The following KAT14 variants were observed in gnomAD, a reference collection of about 807,000 sequenced individuals.
KAT14 encodes the protein cysteine-rich protein 2-binding protein.
In KAT14, 66 loss-of-function variants were observed where a neutral mutation model predicts 78.4. The ratio of observed to expected loss-of-function variants is 0.84; its 90% confidence interval spans 0.69 to 1.03. KAT14 has a LOEUF of 1.03. Among genes scored for constraint, KAT14 ranks in the 50% least tolerant of loss-of-function variants. The pLI is 0.00. For missense variants in KAT14, 870 were observed against 972.5 expected, an observed-to-expected ratio of 0.89 and a Z score of 1.40; for synonymous variants, 344 against 359.4, an observed-to-expected ratio of 0.96 and a Z score of 0.48.
chr20:18,183,270 C>T lies in KAT14; in HGVS notation c.1953C>T (p.Asn651=), dbSNP rs2039330300. The T allele has an allele frequency of 6.2e-7, 1 of 1,614,058 alleles. No individual in the cohort carries two copies. The highest frequency in any genetic ancestry group is 8.5e-7 in the Non-Finnish European group (1 of 1,179,970). ...YVRPNHIPTI[N]SMCQEFFWPG... ...GGCCAAATCACATCCCAACGATCAACTCCATGTGTCAGGAGTTTTTTTGGC... is the reference window on the plus strand; with the variant it reads ...GGCCAAATCACATCCCAACGATCAATTCCATGTGTCAGGAGTTTTTTTGGC... Residue 651 remains asparagine (N), a synonymous_variant, in exon 9 of 11, where the codon AAC becomes AAT. Coordinates refer to ENST00000688188, the MANE Select transcript of KAT14 (RefSeq NM_001392073.1).
chr20:18,181,803 A>G lies in KAT14; in HGVS notation c.1762A>G (p.Ile588Val), dbSNP rs1230557794. 1.2e-6 allele frequency: 2 copies of G among 1,614,044 alleles called. No individual in the cohort carries two copies. The highest frequency in any genetic ancestry group is 1.7e-6 in the Non-Finnish European group (2 of 1,180,044). Reference protein sequence around the residue: ...GSEDMAVDQSIVSPYTSRILK... With the variant: ...GSEDMAVDQSVVSPYTSRILK... The stretch of plus-strand genomic sequence containing the variant: ...AGAAGATATGGCTGTGGACCAGAGT[A>G]TTGTCAGCCCTTATACCTCTCGGAT... The change falls in exon 8 of 11, where the codon ATT becomes GTT. Residue 588 changes from isoleucine to valine, a missense_variant. Transcript: ENST00000688188.
Position 18,142,725 on chromosome 20 carries a change from C to T in KAT14, c.65C>T (p.Ser22Leu), listed in dbSNP as rs368748280. 5.4e-5 allele frequency: 87 copies of T among 1,614,072 alleles called. No homozygotes were observed. Among genetic ancestry groups the T allele is most frequent in the Non-Finnish European group, 6.9e-5 (81 of 1,180,044 alleles). ...CATGATGACGAAGCCACGAGAACAT[C>T]GACCTCAGAAGGACTGGAGGAAGGT... ...SRHDDEATRTSTSEGLEEGEV... is the reference protein window; with the variant it reads ...SRHDDEATRTLTSEGLEEGEV... Residue 22 changes from serine (S) to leucine (L), a missense_variant, in exon 2 of 11, where the codon TCG (serine) becomes TTG (leucine). Ser to Leu is a moderately radical substitution (Grantham distance 145). Coordinates refer to ENST00000688188, the MANE Select transcript of KAT14 (RefSeq NM_001392073.1).
At chr20:18,141,773 A>T (rs1456959611) in intron 1 of KAT14, among the ~76,000 whole-genome samples, 1 of 152,080 alleles carries the variant, frequency 6.6e-6, no homozygotes, top group Non-Finnish European at 1.5e-5. Flanking sequence ...AGTCTCAGCT[A>T]CTCGGGAGGC....
In KAT14 at chr20:18,142,855, C is replaced by T. The variant is rs780709626; in HGVS notation, c.195C>T (p.Asp65=). The change falls in exon 2 of 11, where the codon GAC becomes GAT. Residue 65 remains aspartate, a synonymous_variant. Transcript: ENST00000688188. ...SGDSLNSDEG[D]VSWMEEQLSY... The stretch of plus-strand genomic sequence containing the variant: ...ATTCCCTCAACAGTGATGAAGGAGA[C>T]GTGTCTTGGATGGAGGAGCAGCTGT... 4.3e-5 allele frequency: 70 copies of T among 1,614,004 alleles called. 1 individual carries two copies. The highest frequency in any genetic ancestry group is 1.9e-4 in the African/African-American group (14 of 74,904).
At chr20:18,164,860 C>T (rs185872274) in intron 7 of KAT14, among the ~76,000 whole-genome samples, 5 of 151,986 alleles carry the variant, frequency 3.3e-5, no homozygotes, top group East Asian at 1.9e-4. Flanking sequence ...CTCCTGGGCT[C>T]GAGTGATCGC....
intron 7 of KAT14, among the ~76,000 whole-genome samples, chr20:18,175,104 TG>T (rs537507705): frequency 1.6e-3 from 243 of 152,274 alleles, no homozygotes; most frequent in Non-Finnish European, 2.6e-3. Context: ...CTTTTGACCC[TG>T]TCAGCAAGTT....
At chr20:18,156,450 C>G (rs1364684104) in intron 4 of KAT14, among the ~76,000 whole-genome samples, 1 of 152,152 alleles carries the variant, frequency 6.6e-6, no homozygotes, top group African/African-American at 2.4e-5. Flanking sequence ...TTCATAAATA[C>G]TGTGTTTGTA....
At chr20:18,183,056 A>G (rs899137088) in intron 8 of KAT14, 67 bp from the exon 9 acceptor site, 47 of 1,538,084 alleles carry the variant, frequency 3.1e-5, no homozygotes, top group Non-Finnish European at 4.0e-5. Flanking sequence ...TATATGAGTC[A>G]AAAAGCTAGG....
chr20:18,166,397 A>G (rs1700914940), intron 7 of KAT14, among the ~76,000 whole-genome samples: 1 of 152,202 alleles, frequency 6.6e-6, no homozygotes, highest in African/African-American at 2.4e-5. Context: ...TAACATTTCC[A>G]AATAAGGAAG....
intron 7 of KAT14, among the ~76,000 whole-genome samples, chr20:18,168,322 A>G (rs1289082424): frequency 6.6e-6 from 1 of 152,030 alleles, no homozygotes; most frequent in Non-Finnish European, 1.5e-5. Context: ...GAGGCCAGGA[A>G]TTTGAGACCA....
chr20:18,182,978 C>T (rs1230047635), intron 8 of KAT14, 145 bp from the exon 9 acceptor site: 1 of 1,179,880 alleles, frequency 8.5e-7, no homozygotes, highest in Non-Finnish European at 1.2e-6. Context: ...AAAAGTATAG[C>T]TGTAATCAAG....
chr20:18,167,669 A>G (rs1233684449), intron 7 of KAT14, among the ~76,000 whole-genome samples: 1 of 152,048 alleles, frequency 6.6e-6, no homozygotes, highest in African/African-American at 2.4e-5. Flanking sequence ...AAGGTTATTT[A>G]GTTGTTTTTT....
intron 7 of KAT14, among the ~76,000 whole-genome samples, chr20:18,172,324 A>G (rs1169102671): frequency 1.4e-5 from 2 of 147,046 alleles, no homozygotes; most frequent in Admixed American, 1.4e-4. Flanking sequence ...CTGGTCTTGA[A>G]CTCCTGACCT....
chr20:18,181,485 C>T (rs1470016410), intron 7 of KAT14, among the ~76,000 whole-genome samples: 1 of 151,482 alleles, frequency 6.6e-6, no homozygotes, highest in Non-Finnish European at 1.5e-5. Context: ...TCTCCTGCCT[C>T]AGCCTCCCAA....
Position 18,187,455 on chromosome 20 carries a change from G to A in KAT14, c.2342G>A (p.Arg781His), listed in dbSNP as rs376874386. 18 of 1,613,830 alleles carry A rather than the reference G, an allele frequency of 1.1e-5. No homozygotes were observed. The highest frequency in any genetic ancestry group is 6.6e-5 in the South Asian group (6 of 90,998). ...CKHAFFLRLR[R>H] ...CACGCATTCTTTCTGAGGCTCCGGC[G>A]CTGATGCGAATACAGCTCACAGAGA... The change falls in exon 11 of 11, where the codon CGC (arginine) becomes CAC (histidine). Residue 781 changes from arginine (R) to histidine (H), a missense_variant. By Grantham distance (29) the Arg-to-His change is conservative. Transcript: ENST00000688188.
At chr20:18,143,615 A>ATTTTTTTTTTTTT (rs201858697) in intron 2 of KAT14, among the ~76,000 whole-genome samples, 2 of 103,998 alleles carry the variant, frequency 1.9e-5, no homozygotes, top group African/African-American at 3.6e-5. Context: ...CACCTGGCTA[A>ATTTTTTTTTTTTT]TTTTTTTTTT....
chr20:18,137,962 A>G lies in KAT14; in HGVS notation c.-543A>G, dbSNP rs767512893. 2 of 1,491,316 alleles carry G rather than the reference A, an allele frequency of 1.3e-6. No homozygotes were observed. Among genetic ancestry groups the G allele is most frequent in the South Asian group, 1.3e-5 (1 of 79,874 alleles). The allele number at this position is 1,491,316 out of a possible 1,614,324, so 92.4% of individuals were successfully genotyped here. Reference sequence around the variant, plus strand: ...CGCGGCCGCCAGCGTGGGGATGTCTAGGAGCTCGAAGGTGGTGCTGGGCCT... The same window carrying G: ...CGCGGCCGCCAGCGTGGGGATGTCTGGGAGCTCGAAGGTGGTGCTGGGCCT... On this transcript the variant is annotated 5_prime_UTR_variant, in exon 1 of 11. Coordinates refer to ENST00000688188, the MANE Select transcript of KAT14 (RefSeq NM_001392073.1).
intron 7 of KAT14, 98 bp from the exon 8 acceptor site, chr20:18,181,612 G>A (rs906902040): frequency 3.1e-5 from 47 of 1,539,714 alleles, no homozygotes; most frequent in East Asian, 1.8e-4. Flanking sequence ...CTTGTGATCC[G>A]CCTACCTCAG....
chr20:18,187,162 G>C (rs1275931349), intron 10 of KAT14, 124 bp from the exon 11 acceptor site: 1 of 1,280,536 alleles, frequency 7.8e-7, no homozygotes, highest in Non-Finnish European at 1.1e-6. Context: ...CAATGTCTCA[G>C]CCTCAGTCTC....
Sources: allele counts gnomAD v4.1 joint callset (sites outside exome capture counted in the v4.1 genomes callset), GRCh38; gene constraint gnomAD v4.1.1; transcripts MANE v1.5; gene names NCBI Gene and HGNC (gene_info 2026-07-23, HGNC 2026-07-21).